SORL1-AS1: variants seen among roughly 807,000 people sequenced by gnomAD.
SORL1-AS1 encodes the protein SORL1 antisense RNA 1.
chr11:121,439,159 C>A, the SORL1-AS1 span, among the ~76,000 whole-genome samples: 2 of 152,202 alleles, frequency 1.3e-5, no homozygotes, highest in African/African-American at 2.4e-5. Flanking sequence ...TGCCAGTTTT[C>A]CAAATGGCTC....
In SORL1-AS1 at chr11:121,452,550, C is replaced by A; in HGVS notation, n.339+125G>T. On this transcript the variant is annotated intron_variant and non_coding_transcript_variant, in intron 1 of 1. Coordinates refer to ENST00000501964, the Ensembl canonical transcript of SORL1-AS1. The surrounding 1 kb of genome is among the most constrained non-coding windows in gnomAD (Gnocchi z 5.3). The stretch of plus-strand genomic sequence containing the variant: ...ATGCCAGGGGGGCGAGCCGCGCGGA[C>A]GAGAAGCCGCTCCGGAGGAAACGGA... The A allele has an allele frequency of 6.7e-7, 1 of 1,503,318 alleles. No homozygotes were observed. The highest frequency in any genetic ancestry group is 2.1e-5 in the Admixed American group (1 of 46,576). 93.1% of individuals were successfully genotyped at this position (1,503,318 alleles called of 1,614,324 possible).
Position 121,452,247 on chromosome 11 carries a change from C to G in SORL1-AS1, n.339+428G>C. On this transcript the variant is annotated intron_variant and non_coding_transcript_variant, in intron 1 of 1. Coordinates refer to ENST00000501964, the Ensembl canonical transcript of SORL1-AS1. This position sits in a 1 kb window ranked among gnomAD's most constrained non-coding sequence, Gnocchi z 5.3. Reference sequence around the variant, plus strand: ...CCTGGAGCCCCGGGAGCGGCGCGCGCGGTCCCGGCCCAGCGGCTCTCCTGG... The same window carrying G: ...CCTGGAGCCCCGGGAGCGGCGCGCGGGGTCCCGGCCCAGCGGCTCTCCTGG... 2 of 1,126,398 alleles carry G rather than the reference C, an allele frequency of 1.8e-6. No individual in the cohort carries two copies. Among genetic ancestry groups the G allele is most frequent in the Non-Finnish European group, 2.3e-6 (2 of 879,916 alleles). The allele number at this position is 1,126,398 out of a possible 1,614,324, so 69.8% of individuals were successfully genotyped here. A position where few individuals can be genotyped will look rare whatever the true frequency, so the allele number is the denominator to read the frequency against.
the SORL1-AS1 span, among the ~76,000 whole-genome samples, chr11:121,441,692 T>C: frequency 8.3e-4 from 127 of 152,260 alleles, no homozygotes; most frequent in African/African-American, 3.0e-3. Context: ...CTTGAGGATG[T>C]TCTGGTGAGC....
At chr11:121,442,444 G>A (rs1860666799), downstream of SORL1-AS1, among the ~76,000 whole-genome samples, 1 of 151,916 alleles carries the variant, frequency 6.6e-6, no homozygotes. Context: ...GGCCCAGCCT[G>A]GGCAACATGG....
the SORL1-AS1 span, among the ~76,000 whole-genome samples, chr11:121,439,888 G>C: frequency 6.6e-6 from 1 of 152,180 alleles, no homozygotes; most frequent in Non-Finnish European, 1.5e-5. Context: ...GTAAGACAAG[G>C]GCTTTGGCCA....
Position 121,452,247 on chromosome 11 carries a change from C to CG in SORL1-AS1, n.339+427dup. On this transcript the variant is annotated intron_variant and non_coding_transcript_variant, in intron 1 of 1. Transcript: ENST00000501964. The surrounding 1 kb of genome is among the most constrained non-coding windows in gnomAD (Gnocchi z 5.3). Reference sequence around the variant, plus strand: ...CCTGGAGCCCCGGGAGCGGCGCGCGCGGTCCCGGCCCAGCGGCTCTCCTGG... The same window carrying CG: ...CCTGGAGCCCCGGGAGCGGCGCGCGCGGGTCCCGGCCCAGCGGCTCTCCTGG... 1 of 1,126,390 alleles carries CG rather than the reference C, an allele frequency of 8.9e-7. No individual in the cohort carries two copies. The highest frequency in any genetic ancestry group is 3.4e-5 in the South Asian group (1 of 29,012). The allele number at this position is 1,126,390 out of a possible 1,614,324, so 69.8% of individuals were successfully genotyped here. A position where few individuals can be genotyped will look rare whatever the true frequency, so the allele number is the denominator to read the frequency against.
At chr11:121,449,854 G>A (rs1393700903) in exon 2 of SORL1-AS1, 1 of 152,234 alleles carries the variant, frequency 6.6e-6, no homozygotes, top group East Asian at 1.9e-4. Context: ...ACTGCGTTCT[G>A]TAGTTGTGCA....
At chr11:121,449,035 C>A (rs1860758199) in exon 2 of SORL1-AS1, 1 of 152,114 alleles carries the variant, frequency 6.6e-6, no homozygotes, top group South Asian at 2.1e-4. Flanking sequence ...GCTGTCCTTG[C>A]TGCTATTTTA....
the SORL1-AS1 span, among the ~76,000 whole-genome samples, chr11:121,439,856 T>C: frequency 3.3e-5 from 5 of 152,234 alleles, no homozygotes; most frequent in Non-Finnish European, 7.3e-5. Context: ...CCACAAGTTG[T>C]ATTTGAATTT....
At position 121,450,902 on chromosome 11, in the gene SORL1-AS1, G is replaced by A. The variant is rs777616551; in HGVS notation, n.340-1003C>T. 2.6e-5 allele frequency among the ~76,000 whole-genome samples: 4 copies of A among 152,118 alleles called. No homozygotes were observed. Among genetic ancestry groups the A allele is most frequent in the South Asian group, 2.1e-4 (1 of 4,832 alleles). On this transcript the variant is annotated intron_variant and non_coding_transcript_variant, in intron 1 of 1. Coordinates refer to ENST00000501964, the Ensembl canonical transcript of SORL1-AS1. This position sits in a 1 kb window ranked among gnomAD's most constrained non-coding sequence, Gnocchi z 5.2. Reference sequence around the variant, plus strand: ...TAGGGTGGTTGAATACTGGCTTCAGGGAGATGAGGCAAGCTGGCCTGACTC... The same window carrying A: ...TAGGGTGGTTGAATACTGGCTTCAGAGAGATGAGGCAAGCTGGCCTGACTC...
chr11:121,439,487 G>A, the SORL1-AS1 span, among the ~76,000 whole-genome samples: 8 of 151,912 alleles, frequency 5.3e-5, no homozygotes, highest in African/African-American at 1.2e-4. Flanking sequence ...CTTTGGCACC[G>A]TGGAGAAAAT....
In SORL1-AS1 at chr11:121,452,449, GCGCCCT is replaced by G; in HGVS notation, n.339+220_339+225del. On this transcript the variant is annotated intron_variant and non_coding_transcript_variant, in intron 1 of 1. Transcript: ENST00000501964. The surrounding 1 kb of genome is among the most constrained non-coding windows in gnomAD (Gnocchi z 5.3). Reference sequence around the variant, plus strand: ...GACGCAGAGGCTGCACGGCGGCAGCGCGCCCTTGCCCCAGGACCGGGGCTTCCTCGT... The same window carrying G: ...GACGCAGAGGCTGCACGGCGGCAGCGTGCCCCAGGACCGGGGCTTCCTCGT... 1 of 1,510,166 alleles carries G rather than the reference GCGCCCT, an allele frequency of 6.6e-7. No individual in the cohort carries two copies. The highest frequency in any genetic ancestry group is 8.8e-7 in the Non-Finnish European group (1 of 1,131,132). The allele number at this position is 1,510,166 out of a possible 1,614,324, so 93.5% of individuals were successfully genotyped here.
chr11:121,441,919 C>T, the SORL1-AS1 span, among the ~76,000 whole-genome samples: 8 of 152,192 alleles, frequency 5.3e-5, no homozygotes, highest in Non-Finnish European at 1.2e-4. Context: ...CCTAAAAACC[C>T]GTGTGCCACT....
rs1019719661 is a variant in SORL1-AS1, at chr11:121,452,025, C to A, written n.339+650G>T. ...GCCCGCCAGGGAAGGGACGCACCCC[C>A]ACCGGCGCTCGCTGCCTTAACTTCC... is the stretch of plus-strand genomic sequence containing the variant. On this transcript the variant is annotated intron_variant and non_coding_transcript_variant, in intron 1 of 1. Coordinates refer to ENST00000501964, the Ensembl canonical transcript of SORL1-AS1. This position sits in a 1 kb window ranked among gnomAD's most constrained non-coding sequence, Gnocchi z 5.3. Among the ~76,000 whole-genome samples the A allele has an allele frequency of 1.3e-5, 2 of 152,160 alleles. No individual in the cohort carries two copies. Among genetic ancestry groups the A allele is most frequent in the Non-Finnish European group, 2.9e-5 (2 of 67,988 alleles).
Position 121,450,848 on chromosome 11 carries a change from G to A in SORL1-AS1, n.340-949C>T, listed in dbSNP as rs1860780069. On this transcript the variant is annotated intron_variant and non_coding_transcript_variant, in intron 1 of 1. Transcript: ENST00000501964. This position sits in a 1 kb window ranked among gnomAD's most constrained non-coding sequence, Gnocchi z 5.2. ...GGAGAGTGCAGAACCTGAGGCAGAGGTCCCCAGCAAGTCTGGCATGGGGTA... is the reference window on the plus strand; with the variant it reads ...GGAGAGTGCAGAACCTGAGGCAGAGATCCCCAGCAAGTCTGGCATGGGGTA... 6.6e-6 allele frequency among the ~76,000 whole-genome samples: 1 copy of A among 152,066 alleles called. No homozygotes were observed. Among genetic ancestry groups the A allele is most frequent in the Admixed American group, 6.6e-5 (1 of 15,266 alleles).
chr11:121,444,971 G>C (rs1367507979), downstream of SORL1-AS1, among the ~76,000 whole-genome samples: 2 of 152,166 alleles, frequency 1.3e-5, no homozygotes, highest in Non-Finnish European at 2.9e-5. Flanking sequence ...TTGCTTAGGT[G>C]GTTGGGCAGT....
the SORL1-AS1 span, among the ~76,000 whole-genome samples, chr11:121,442,102 T>A: frequency 6.6e-6 from 1 of 152,234 alleles, no homozygotes; most frequent in African/African-American, 2.4e-5. Context: ...CAGATTTTAA[T>A]GATAGCAAAC....
At chr11:121,448,275 C>T (rs1860748448) in exon 2 of SORL1-AS1, 1 of 152,214 alleles carries the variant, frequency 6.6e-6, no homozygotes, top group Admixed American at 6.5e-5. Context: ...ATATAAGTTA[C>T]TTATTCTATG....
At chr11:121,441,002 C>T in the SORL1-AS1 span, among the ~76,000 whole-genome samples, 13 of 152,256 alleles carry the variant, frequency 8.5e-5, no homozygotes, top group African/African-American at 3.1e-4. Flanking sequence ...CCTTTTTCTG[C>T]CCCTACTGGT....
Sources: gnomAD v4.1 joint callset for allele counts (sites outside exome capture counted in the v4.1 genomes callset) on GRCh38, gnomAD v4.1.1 for gene constraint, Gnocchi (gnomAD v3.1) non-coding constraint, MANE v1.5 for transcripts, NCBI Gene and HGNC (gene_info 2026-07-23, HGNC 2026-07-21) for gene names.